The following ELMOD2 variants were observed in gnomAD, a reference collection of about 807,000 sequenced individuals.
The protein encoded by ELMOD2 is ELMO domain-containing protein 2.
ELMOD2 carries 28 observed loss-of-function variants against 41.0 expected under a neutral mutation model. The observed-to-expected ratio is 0.68, with a 90% CI of 0.51 to 0.94. The LOEUF (loss-of-function observed/expected upper bound fraction) is 0.94, where lower values mean the gene tolerates loss of function less well. Among genes scored for constraint, ELMOD2 ranks in the 40% least tolerant of loss-of-function variants. The pLI is 0.00. For missense variants in ELMOD2, 333 were observed against 343.1 expected (o/e 0.97, Z 0.23); for synonymous variants, 106 against 107.2 (o/e 0.99, Z 0.07).
intron 5 of ELMOD2, among the ~76,000 whole-genome samples, chr4:140,539,362 T>G (rs1293792692): frequency 6.6e-6 from 1 of 151,982 alleles, no homozygotes; most frequent in Non-Finnish European, 1.5e-5. Flanking sequence ...TTGGTTTGTT[T>G]TTTTTTTTTT....
chr4:140,544,408 C>A (rs1395245159), intron 8 of ELMOD2, among the ~76,000 whole-genome samples: 1 of 152,108 alleles, frequency 6.6e-6, no homozygotes, highest in African/African-American at 2.4e-5. Context: ...CTGTTTCTTT[C>A]TATACCCATT....
chr4:140,542,425 G>C (rs1157160994), intron 6 of ELMOD2, 149 bp from the exon 7 acceptor site: 2 of 552,332 alleles, frequency 3.6e-6, no homozygotes, highest in Admixed American at 6.9e-5. Flanking sequence ...AGAAGCATTT[G>C]TGAATCACTG....
At chr4:140,526,358 A>G (rs1054783980) in intron 2 of ELMOD2, among the ~76,000 whole-genome samples, 1 of 152,212 alleles carries the variant, frequency 6.6e-6, no homozygotes, top group Non-Finnish European at 1.5e-5. Context: ...CTTCTAAAAT[A>G]CATCAGTTTT....
At chr4:140,542,034 A>G (rs546501001) in intron 6 of ELMOD2, among the ~76,000 whole-genome samples, 2 of 152,106 alleles carry the variant, frequency 1.3e-5, no homozygotes, top group East Asian at 3.9e-4. Context: ...CTACAAATAG[A>G]TAGTTTCATA....
chr4:140,533,258 A>G (rs939799373), intron 3 of ELMOD2, among the ~76,000 whole-genome samples: 14 of 152,330 alleles, frequency 9.2e-5, no homozygotes, highest in African/African-American at 3.4e-4. Context: ...GGAACCTAGA[A>G]TAGCCCACGT....
chr4:140,549,288 T>C (rs1735390660), intron 8 of ELMOD2, among the ~76,000 whole-genome samples: 3 of 152,280 alleles, frequency 2.0e-5, no homozygotes, highest in South Asian at 4.1e-4. Context: ...ATGCTACACA[T>C]TGTTTATGTA....
Position 140,530,314 on chromosome 4 carries a change from A to G in ELMOD2, c.171+2820A>G, listed in dbSNP as rs143710484. ...TTTAAGAACTCCAGTGCCTTGGTCA[A>G]ATCCGTCCAAGGATTTGAATGACTA... is the stretch of plus-strand genomic sequence containing the variant. On this transcript the variant is annotated intron_variant, in intron 3 of 8. Coordinates refer to ENST00000323570, the MANE Select transcript of ELMOD2 (RefSeq NM_153702.4). Among the ~76,000 whole-genome samples the G allele has an allele frequency of 1.3e-3, 196 of 152,306 alleles. 1 individual carries two copies. The highest frequency in any genetic ancestry group is 4.6e-3 in the African/African-American group (190 of 41,564).
intron 7 of ELMOD2, among the ~76,000 whole-genome samples, chr4:140,542,881 C>G (rs967323191): frequency 6.6e-6 from 1 of 151,614 alleles, no homozygotes; most frequent in Non-Finnish European, 1.5e-5. Flanking sequence ...GAGATAAGGG[C>G]CCTTATAAAA....
At chr4:140,549,357 ATGTG>A (rs1553962939) in intron 8 of ELMOD2, among the ~76,000 whole-genome samples, 9 of 150,130 alleles carry the variant, frequency 6.0e-5, no homozygotes, top group African/African-American at 1.2e-4. Context: ...GTTTACATAT[ATGTG>A]TGTGTGTGTG....
chr4:140,525,823 A>G (rs966549438), intron 2 of ELMOD2, among the ~76,000 whole-genome samples: 4 of 152,222 alleles, frequency 2.6e-5, no homozygotes, highest in East Asian at 1.9e-4. Flanking sequence ...CTTAGATTAT[A>G]GTTGCAACCT....
Position 140,551,775 on chromosome 4 carries a change from C to T in ELMOD2, c.*1400C>T, listed in dbSNP as rs902189620. ...ACCTGAGACTTTATAAGTATTTGCT[C>T]GTGTCTGTTGACAGACCTCTTTCTT... On this transcript the variant is annotated 3_prime_UTR_variant, in exon 9 of 9. Coordinates refer to ENST00000323570, the MANE Select transcript of ELMOD2 (RefSeq NM_153702.4). 2 of 152,008 alleles carry T rather than the reference C, an allele frequency of 1.3e-5. No homozygotes were observed. The highest frequency in any genetic ancestry group is 1.3e-4 in the Admixed American group (2 of 15,250). The allele number at this position is 152,008 out of a possible 1,614,324, so 9.4% of individuals were successfully genotyped here. A position where few individuals can be genotyped will look rare whatever the true frequency, so the allele number is the denominator to read the frequency against.
chr4:140,542,769 T>C, intron 7 of ELMOD2, 127 bp downstream of exon 7: 1 of 642,848 alleles, frequency 1.6e-6, no homozygotes, highest in Non-Finnish European at 2.4e-6. Context: ...TTTTAAAGGA[T>C]ATTACATGAT....
chr4:140,527,749 C>G (rs966200534), intron 3 of ELMOD2: 1 of 392,276 alleles, frequency 2.5e-6, no homozygotes, highest in Non-Finnish European at 4.6e-6. Context: ...GAGTTGATAG[C>G]TTTTAGGAAA....
chr4:140,535,512 A>G, intron 3 of ELMOD2: 1 of 416,408 alleles, frequency 2.4e-6, no homozygotes, highest in Non-Finnish European at 4.2e-6. Flanking sequence ...CAGTTGAGGA[A>G]GCCTTCCTCT....
At chr4:140,542,436 A>C (rs185662923) in intron 6 of ELMOD2, 138 bp from the exon 7 acceptor site, 216 of 592,314 alleles carry the variant, frequency 3.6e-4, no homozygotes, top group African/African-American at 2.7e-3. Context: ...TGAATCACTG[A>C]AGTGATTTGA....
At chr4:140,547,298 G>A (rs1041233166) in intron 8 of ELMOD2, among the ~76,000 whole-genome samples, 13 of 151,968 alleles carry the variant, frequency 8.6e-5, no homozygotes, top group Admixed American at 5.9e-4. Context: ...GTTTTAATGC[G>A]TCCTGTGTAG....
At chr4:140,544,239 T>C (rs1280657690) in intron 8 of ELMOD2, among the ~76,000 whole-genome samples, 1 of 152,180 alleles carries the variant, frequency 6.6e-6, no homozygotes, top group Admixed American at 6.6e-5. Flanking sequence ...TGAATGTTGG[T>C]AGCATATAAG....
Position 140,545,589 on chromosome 4 carries a change from C to T in ELMOD2, c.736+2003C>T, listed in dbSNP as rs536433996. Among the ~76,000 whole-genome samples, 3 of 152,264 alleles carry T rather than the reference C, an allele frequency of 2.0e-5. No homozygotes were observed. The East Asian group carries it at 5.8e-4, about 29-fold the overall frequency. On this transcript the variant is annotated intron_variant, in intron 8 of 8. Transcript: ENST00000323570. ...GCAACATGTCTTTAAATGGAGGGAA[C>T]AGATTTCAGGTTCCTAAGGACAGCA... is the stretch of plus-strand genomic sequence containing the variant.
chr4:140,530,917 TTGAC>T (rs1435000421), intron 3 of ELMOD2, among the ~76,000 whole-genome samples: 5 of 152,178 alleles, frequency 3.3e-5, no homozygotes, highest in Non-Finnish European at 5.9e-5. Context: ...TACCAGTTGT[TTGAC>T]TGTGTACAAG....
Sources: allele counts gnomAD v4.1 joint callset (sites outside exome capture counted in the v4.1 genomes callset), GRCh38; gene constraint gnomAD v4.1.1; transcripts MANE v1.5; gene names NCBI Gene and HGNC (gene_info 2026-07-23, HGNC 2026-07-21).